ABHD17C: variants seen among roughly 807,000 people sequenced by gnomAD.
ABHD17C encodes the protein abhydrolase domain containing 17C, depalmitoylase.
ABHD17C carries 11 observed loss-of-function variants against 27.9 expected under a neutral mutation model. That is an observed-to-expected ratio of 0.39 (90% CI 0.25 to 0.65). The LOEUF (loss-of-function observed/expected upper bound fraction) is 0.65. ABHD17C is among the 30% of genes least tolerant of loss of function. The pLI, the probability that ABHD17C is intolerant of heterozygous loss-of-function variation, is 0.45. For missense variants in ABHD17C, 280 were observed against 470.2 expected, an observed-to-expected ratio of 0.60 and a Z score of 3.74; for synonymous variants, 233 against 209.1, an observed-to-expected ratio of 1.11 and a Z score of -0.98.
intron 1 of ABHD17C, among the ~76,000 whole-genome samples, chr15:80,723,643 A>T (rs1257287568): frequency 6.6e-6 from 1 of 152,230 alleles, no homozygotes; most frequent in African/African-American, 2.4e-5. Context: ...AATGAGAAAT[A>T]TTAGGTCAAG....
intron 1 of ABHD17C, among the ~76,000 whole-genome samples, chr15:80,738,553 A>C (rs1895164564): frequency 1.3e-5 from 2 of 152,210 alleles, no homozygotes; most frequent in African/African-American, 4.8e-5. Flanking sequence ...TCAGAGAAAC[A>C]ATGGGTCTGT....
chr15:80,721,560 C>G (rs1894897812), intron 1 of ABHD17C, among the ~76,000 whole-genome samples: 1 of 152,156 alleles, frequency 6.6e-6, no homozygotes, highest in South Asian at 2.1e-4. Flanking sequence ...TAGAATTGTG[C>G]CAGGCAAATA....
In ABHD17C at chr15:80,695,785, G is replaced by A; in HGVS notation, c.356G>A (p.Arg119Gln). The change falls in exon 1 of 3, where the codon CGG becomes CAG. Residue 119 changes from arginine (R) to glutamine (Q), a missense_variant. Arg to Gln is a conservative substitution (Grantham distance 43). Around this residue, in one of 2 missense-constraint regions of ABHD17C, gnomAD observed 206 missense variants for 394.7 expected, o/e 0.52. Transcript: ENST00000258884. This position sits in a 1 kb window ranked among gnomAD's most constrained non-coding sequence, Gnocchi z 4.3. ...TTCTCGCGCACGGCCCGGGACAACCGGCTCGGCTGCATGTTCGTGCGCTGC... is the reference window on the plus strand; with the variant it reads ...TTCTCGCGCACGGCCCGGGACAACCAGCTCGGCTGCATGTTCGTGCGCTGC... ...VFFSRTARDNRLGCMFVRCAP... is the reference protein window; with the variant it reads ...VFFSRTARDNQLGCMFVRCAP... The A allele has an allele frequency of 6.5e-7, 1 of 1,546,350 alleles. No homozygotes were observed. Among genetic ancestry groups the A allele is most frequent in the East Asian group, 2.4e-5 (1 of 41,404 alleles).
chr15:80,712,841 C>G (rs1193198119), intron 1 of ABHD17C, among the ~76,000 whole-genome samples: 1 of 152,202 alleles, frequency 6.6e-6, no homozygotes, highest in Non-Finnish European at 1.5e-5. Context: ...TCAGCTTCAT[C>G]TCCTCGGATC....
At position 80,750,679 on chromosome 15, in the gene ABHD17C, AATGAGATTC is replaced by A. The variant is rs1448278063; in HGVS notation, c.770+988_770+996del. Among the ~76,000 whole-genome samples the A allele has an allele frequency of 9.2e-5, 14 of 152,310 alleles. No homozygotes were observed. In the Middle Eastern group the frequency reaches 0.01, roughly 111 times the overall value. Reference sequence around the variant, plus strand: ...TTTTGTGCAGTTTGTACCAGGATTCAATGAGATTCGGCTTCATGGGAAAGTTGCACTGCA... The same window carrying A: ...TTTTGTGCAGTTTGTACCAGGATTCAGGCTTCATGGGAAAGTTGCACTGCA... On this transcript the variant is annotated intron_variant, in intron 2 of 2. Transcript: ENST00000258884.
intron 1 of ABHD17C, among the ~76,000 whole-genome samples, chr15:80,734,668 A>C (rs1384618966): frequency 6.6e-6 from 1 of 152,214 alleles, no homozygotes; most frequent in Non-Finnish European, 1.5e-5. Context: ...GAGAAAGGGT[A>C]TATGGTAGGA....
intron 1 of ABHD17C, among the ~76,000 whole-genome samples, chr15:80,728,963 G>A (rs764760269): frequency 6.6e-6 from 1 of 152,220 alleles, no homozygotes; most frequent in South Asian, 2.1e-4. Flanking sequence ...GATGAGACAC[G>A]TGAGTGCCAG....
rs533132087 is a variant in ABHD17C, at chr15:80,717,666, G to A, written c.590+21647G>A. Among the ~76,000 whole-genome samples the A allele has an allele frequency of 5.9e-5, 9 of 152,284 alleles. No homozygotes were observed. In the East Asian group the frequency reaches 1.2e-3, roughly 20 times the overall value. On this transcript the variant is annotated intron_variant, in intron 1 of 2. Coordinates refer to ENST00000258884, the MANE Select transcript of ABHD17C (RefSeq NM_021214.2). Reference sequence around the variant, plus strand: ...CTCCCAAAGTGCTGGGATTACAGGCGTGAGCCATTGTGCCCAGCTGCAAAA... The same window carrying A: ...CTCCCAAAGTGCTGGGATTACAGGCATGAGCCATTGTGCCCAGCTGCAAAA...
intron 2 of ABHD17C, among the ~76,000 whole-genome samples, chr15:80,751,542 G>A (rs555659105): frequency 4.7e-4 from 71 of 152,262 alleles, no homozygotes; most frequent in Middle Eastern, 3.4e-3. Context: ...AGGAGTACAA[G>A]ACCAACCTGG....
At chr15:80,700,401 G>A (rs532134746) in intron 1 of ABHD17C, among the ~76,000 whole-genome samples, 2 of 152,126 alleles carry the variant, frequency 1.3e-5, no homozygotes, top group Non-Finnish European at 2.9e-5. Flanking sequence ...CACAGAAGTC[G>A]TCTTTGATGC....
At chr15:80,745,312 A>T (rs1472554861) in intron 1 of ABHD17C, among the ~76,000 whole-genome samples, 1 of 152,092 alleles carries the variant, frequency 6.6e-6, no homozygotes, top group African/African-American at 2.4e-5. Context: ...AATGATGTTT[A>T]ATTTTGGTAG....
At chr15:80,698,232 T>C (rs1567029295) in intron 1 of ABHD17C, among the ~76,000 whole-genome samples, 2 of 152,006 alleles carry the variant, frequency 1.3e-5, no homozygotes, top group Non-Finnish European at 2.9e-5. Flanking sequence ...GTCCGGCTAA[T>C]TTTTTGTATT....
At chr15:80,728,262 G>A (rs919003513) in intron 1 of ABHD17C, among the ~76,000 whole-genome samples, 2 of 152,294 alleles carry the variant, frequency 1.3e-5, no homozygotes, top group Middle Eastern at 3.4e-3. Flanking sequence ...GTATGAACAC[G>A]TGCACGCACA....
At chr15:80,720,763 A>T (rs930960725) in intron 1 of ABHD17C, among the ~76,000 whole-genome samples, 1 of 152,030 alleles carries the variant, frequency 6.6e-6, no homozygotes, top group African/African-American at 2.4e-5. Flanking sequence ...TCTACTAAAA[A>T]TACAAAAATT....
chr15:80,699,930 T>C (rs571654499), intron 1 of ABHD17C, among the ~76,000 whole-genome samples: 8 of 152,348 alleles, frequency 5.3e-5, no homozygotes, highest in African/African-American at 1.9e-4. Context: ...ACGTTTGCAT[T>C]ACTGGTAAGA....
intron 1 of ABHD17C, among the ~76,000 whole-genome samples, chr15:80,699,708 G>A (rs115968234): frequency 1.6e-4 from 25 of 152,306 alleles, no homozygotes; most frequent in African/African-American, 5.3e-4. Flanking sequence ...AGGTGGGCAC[G>A]TAATCCAGAG....
At chr15:80,738,314 C>A (rs1044016330) in intron 1 of ABHD17C, among the ~76,000 whole-genome samples, 7 of 152,144 alleles carry the variant, frequency 4.6e-5, no homozygotes, top group African/African-American at 1.7e-4. Flanking sequence ...TAGGACAGAA[C>A]AGGTGGGAAG....
intron 1 of ABHD17C, among the ~76,000 whole-genome samples, chr15:80,748,762 C>T (rs1329140064): frequency 1.3e-5 from 2 of 149,478 alleles, no homozygotes; most frequent in Non-Finnish European, 3.0e-5. Context: ...ACCAGGAAGG[C>T]GGAAGGCATG....
chr15:80,749,751 TG>T, intron 2 of ABHD17C, 59 bp downstream of exon 2: 1 of 1,536,612 alleles, frequency 6.5e-7, no homozygotes, highest in South Asian at 1.2e-5. Flanking sequence ...TTATATCTGA[TG>T]CTCCCATAAA....
Sources: allele counts gnomAD v4.1 joint callset (sites outside exome capture counted in the v4.1 genomes callset), GRCh38; gene constraint gnomAD v4.1.1; regional missense constraint gnomAD v4.1.1; non-coding constraint Gnocchi (gnomAD v3.1); transcripts MANE v1.5; gene names NCBI Gene and HGNC (gene_info 2026-07-23, HGNC 2026-07-21).